Variants in AGPAT3 observed in about 807,000 individuals in gnomAD.
AGPAT3 encodes the protein 1-acyl-sn-glycerol-3-phosphate acyltransferase gamma.
A neutral mutation model predicts 47.3 loss-of-function variants in AGPAT3; 5 were observed. The ratio of observed to expected loss-of-function variants is 0.11; its 90% CI spans 0.06 to 0.22. The LOEUF (loss-of-function observed/expected upper bound fraction) is 0.22, where lower values mean the gene tolerates loss of function less well. Among genes scored for constraint, AGPAT3 ranks in the 10% least tolerant of loss-of-function variants. The probability of loss-of-function intolerance (pLI) is 1.00; values close to 1 mark genes in which losing one functional copy is unlikely to be tolerated. For synonymous variants in AGPAT3, 212 were observed against 208.3 expected, an observed-to-expected ratio of 1.02 and a Z score of -0.15; for missense variants, 315 against 493.0, an observed-to-expected ratio of 0.64 and a Z score of 3.42.
chr21:43,963,410 C>A (rs974914666), intron 3 of AGPAT3, among the ~76,000 whole-genome samples: 2 of 152,062 alleles, frequency 1.3e-5, no homozygotes, highest in Non-Finnish European at 1.5e-5. Context: ...GCATCACAGA[C>A]CATCAGAGAC....
chr21:43,929,956 A>G (rs1175086377), intron 2 of AGPAT3, among the ~76,000 whole-genome samples: 2 of 152,240 alleles, frequency 1.3e-5, no homozygotes, highest in Non-Finnish European at 2.9e-5. Flanking sequence ...ACTGGGCTGC[A>G]GGTGACAGAC....
chr21:43,946,099 A>G (rs967304132), intron 2 of AGPAT3, among the ~76,000 whole-genome samples: 7 of 152,314 alleles, frequency 4.6e-5, no homozygotes, highest in African/African-American at 4.8e-5. Flanking sequence ...GGAGGGCTCA[A>G]TGCCATTCCC....
intron 4 of AGPAT3, among the ~76,000 whole-genome samples, chr21:43,968,712 A>G (rs1005719859): frequency 2.0e-5 from 3 of 152,008 alleles, no homozygotes; most frequent in African/African-American, 7.3e-5. Flanking sequence ...TGCCTTTGAG[A>G]TGACCCCACC....
intron 1 of AGPAT3, among the ~76,000 whole-genome samples, chr21:43,900,984 CAGA>C (rs1205964475): frequency 1.3e-5 from 2 of 152,178 alleles, no homozygotes; most frequent in South Asian, 2.1e-4. Flanking sequence ...ACAGAAAACC[CAGA>C]AGAAGAGGAA....
At chr21:43,976,073 AT>A (rs528646179) in intron 7 of AGPAT3, among the ~76,000 whole-genome samples, 14,218 of 136,486 alleles carry the variant, frequency 0.1, 669 homozygotes, top group South Asian at 0.13. Flanking sequence ...AATGATTTTT[AT>A]TTTTTTTTTT....
At chr21:43,878,736 CTT>C (rs112902305) in intron 1 of AGPAT3, among the ~76,000 whole-genome samples, 40 of 140,618 alleles carry the variant, frequency 2.8e-4, no homozygotes, top group Admixed American at 5.7e-4. Flanking sequence ...TTCCATTTGT[CTT>C]TTTTTTTTTT....
chr21:43,921,004 T>A (rs2086879757), intron 2 of AGPAT3, among the ~76,000 whole-genome samples: 1 of 151,992 alleles, frequency 6.6e-6, no homozygotes, highest in African/African-American at 2.4e-5. Context: ...TTCCAGCTAC[T>A]CAGCAGGCTG....
intron 2 of AGPAT3, among the ~76,000 whole-genome samples, chr21:43,905,155 A>ATT (rs2086460811): frequency 2.2e-5 from 3 of 138,480 alleles, no homozygotes; most frequent in Non-Finnish European, 4.7e-5. Flanking sequence ...TTTAAAAAAA[A>ATT]TATTTATTTA....
chr21:43,910,093 G>A lies in AGPAT3; in HGVS notation c.-49+6074G>A, dbSNP rs147724690. On this transcript the variant is annotated intron_variant, in intron 2 of 9. Transcript: ENST00000291572. ...ACCCGTGGCTGGGATCCCCCTGTTC[G>A]TGAGTTCTCAAGGAAGGGGAGCCTG... 4.1e-3 allele frequency among the ~76,000 whole-genome samples: 620 copies of A among 152,334 alleles called. 1 individual carries two copies. The highest frequency in any genetic ancestry group is 6.6e-3 in the Non-Finnish European group (452 of 68,030).
intron 2 of AGPAT3, among the ~76,000 whole-genome samples, chr21:43,940,588 C>T (rs889697077): frequency 6.6e-6 from 1 of 152,246 alleles, no homozygotes; most frequent in African/African-American, 2.4e-5. Context: ...TGAGCGGTTT[C>T]ATACCATCTG....
chr21:43,956,417 A>G (rs977447505), intron 2 of AGPAT3, among the ~76,000 whole-genome samples: 1 of 152,146 alleles, frequency 6.6e-6, no homozygotes, highest in Non-Finnish European at 1.5e-5. Flanking sequence ...TCACCTGTCA[A>G]CTGGGGCAGT....
In AGPAT3 at chr21:43,982,344, A is replaced by T; in HGVS notation, c.1083A>T (p.Ile361=). ...GCAGACTGATAGGAGTAACTGAGAT[A>T]GAAAAAGGCTCCAGCTACGGAAACC... The part of the protein sequence containing the change: ...GVRRLIGVTE[I]EKGSSYGNQE... Residue 361 remains isoleucine (I), a synonymous_variant, in exon 10 of 10, where the codon ATA becomes ATT. Coordinates refer to ENST00000291572, the MANE Select transcript of AGPAT3 (RefSeq NM_020132.5). This position sits in a 1 kb window ranked among gnomAD's most constrained non-coding sequence, Gnocchi z 6.2. 1 of 1,614,146 alleles carries T rather than the reference A, an allele frequency of 6.2e-7. No homozygotes were observed. Among genetic ancestry groups the T allele is most frequent in the Non-Finnish European group, 8.5e-7 (1 of 1,179,978 alleles).
At chr21:43,909,382 G>A (rs1315799808) in intron 2 of AGPAT3, among the ~76,000 whole-genome samples, 1 of 148,856 alleles carries the variant, frequency 6.7e-6, no homozygotes, top group Admixed American at 6.9e-5. Context: ...CGCAAGCTCC[G>A]TCTCCCGGGT....
In AGPAT3 at chr21:43,969,162, C is replaced by T. The variant is rs2089286388; in HGVS notation, c.393C>T (p.Leu131=). The change falls in exon 5 of 10, where the codon CTC becomes CTT. Residue 131 remains leucine (L), a synonymous_variant. Transcript: ENST00000291572. Reference sequence around the variant, plus strand: ...AGAAGGAGCTGCTCTACGTGCCCCTCATCGGCTGGACGTGGTACTTTCTGG... The same window carrying T: ...AGAAGGAGCTGCTCTACGTGCCCCTTATCGGCTGGACGTGGTACTTTCTGG... ...LAKKELLYVP[L]IGWTWYFLEI... 5 of 1,614,212 alleles carry T rather than the reference C, an allele frequency of 3.1e-6. No homozygotes were observed. In the South Asian group the frequency reaches 5.5e-5, roughly 18 times the overall value.
At chr21:43,941,158 G>C (rs2087640610) in intron 2 of AGPAT3, among the ~76,000 whole-genome samples, 1 of 152,214 alleles carries the variant, frequency 6.6e-6, no homozygotes, top group African/African-American at 2.4e-5. Flanking sequence ...TAGAGCCGGA[G>C]AACGAGGTGA....
At chr21:43,891,954 A>G (rs147825681) in intron 1 of AGPAT3, among the ~76,000 whole-genome samples, 1,574 of 152,308 alleles carry the variant, frequency 0.01, 12 homozygotes, top group Non-Finnish European at 0.016. Context: ...AGGAATCACT[A>G]TCCATGGCAG....
At position 43,880,216 on chromosome 21, in the gene AGPAT3, G is replaced by A. The variant is rs1330142938; in HGVS notation, c.-112+14871G>A. On this transcript the variant is annotated intron_variant, in intron 1 of 9. Transcript: ENST00000291572. The surrounding 1 kb of genome is among the most constrained non-coding windows in gnomAD (Gnocchi z 4.5). ...GTGCTGTGTTCCTGGACCAGCGTCC[G>A]ATTTCCCTGCTGCTGAATCACTTCA... 6.6e-6 allele frequency among the ~76,000 whole-genome samples: 1 copy of A among 152,148 alleles called. No individual in the cohort carries two copies. The highest frequency in any genetic ancestry group is 2.4e-5 in the African/African-American group (1 of 41,442).
Position 43,984,637 on chromosome 21 carries a change from A to AC in AGPAT3, c.*2247dup, listed in dbSNP as rs534581847. The AC allele has an allele frequency of 2.6e-3, 382 of 149,678 alleles. 2 individuals are homozygous for AC. The highest frequency in any genetic ancestry group is 9.9e-3 in the African/African-American group (368 of 37,250). The allele number at this position is 149,678 out of a possible 1,614,324, so 9.3% of individuals were successfully genotyped here. A position where few individuals can be genotyped will look rare whatever the true frequency, so the allele number is the denominator to read the frequency against. On this transcript the variant is annotated 3_prime_UTR_variant, in exon 10 of 10. Transcript: ENST00000291572. ...CACAGCTTAGCTTGTGCTTCTCAAC[A>AC]CCAAGTCTTTAAGAGCAATAAAAAC...
chr21:43,957,221 C>T (rs2088514080), intron 2 of AGPAT3, among the ~76,000 whole-genome samples: 1 of 120,888 alleles, frequency 8.3e-6, no homozygotes, highest in South Asian at 2.9e-4. Flanking sequence ...GGAGGGCGCT[C>T]TGTGGAGTCG....
Sources: gnomAD v4.1 joint callset for allele counts (sites outside exome capture counted in the v4.1 genomes callset) on GRCh38, gnomAD v4.1.1 for gene constraint, Gnocchi (gnomAD v3.1) non-coding constraint, MANE v1.5 for transcripts, NCBI Gene and HGNC (gene_info 2026-07-23, HGNC 2026-07-21) for gene names.